The following DCC variants were observed in gnomAD, a reference collection of about 807,000 sequenced individuals.
The protein encoded by DCC is netrin receptor DCC.
Under a neutral mutation model 172.5 loss-of-function variants are expected in DCC, and 58 were observed. That is an observed-to-expected ratio of 0.34 (90% CI 0.27 to 0.42). The LOEUF (loss-of-function observed/expected upper bound fraction) is 0.42. Among genes scored for constraint, DCC ranks in the 10% least tolerant of loss-of-function variants. DCC has a pLI of 1.00. For missense variants in DCC, 1,740 were observed against 1,791.0 expected (o/e 0.97, Z 0.51); for synonymous variants, 709 against 644.5 (o/e 1.10, Z -1.52).
chr18:53,458,988 GGAGCTCTCTGCCAGGAA>G (rs1211168720), intron 23 of DCC, among the ~76,000 whole-genome samples: 1 of 152,130 alleles, frequency 6.6e-6, no homozygotes, highest in Non-Finnish European at 1.5e-5. Context: ...GCTGGAGAAA[GGAGCTCTCTGCCAGGAA>G]GCCGAGGCCC....
intron 5 of DCC, among the ~76,000 whole-genome samples, chr18:53,007,311 G>T (rs1428804878): frequency 6.6e-6 from 1 of 152,108 alleles, no homozygotes; most frequent in Non-Finnish European, 1.5e-5. Flanking sequence ...GGTAGGTTTA[G>T]ACGTGAATGT....
rs911229201 is a variant in DCC, at chr18:53,359,624, T to G, written c.2359+19717T>G. ...AAAAATGTGAATAATTATTGTTAAA[T>G]GCCTCTTCCCCTCTTCACAATGTCT... On this transcript the variant is annotated intron_variant, in intron 15 of 28. Transcript: ENST00000442544. Among the ~76,000 whole-genome samples, 15 of 152,284 alleles carry G rather than the reference T, an allele frequency of 9.9e-5. 1 individual carries two copies. In the South Asian group the frequency reaches 3.1e-3, roughly 32 times the overall value.
chr18:53,171,143 C>T (rs1188251339), intron 8 of DCC, among the ~76,000 whole-genome samples: 1 of 152,128 alleles, frequency 6.6e-6, no homozygotes, highest in African/African-American at 2.4e-5. Flanking sequence ...CCTCGGCCTC[C>T]CAAAGTGCTG....
intron 20 of DCC, among the ~76,000 whole-genome samples, chr18:53,412,393 T>C (rs1337550068): frequency 1.3e-5 from 2 of 152,172 alleles, no homozygotes; most frequent in Non-Finnish European, 2.9e-5. Context: ...GTATACATCT[T>C]ACAAGACACC....
chr18:53,215,718 T>C, intron 12 of DCC, 121 bp downstream of exon 12: 1 of 820,852 alleles, frequency 1.2e-6, no homozygotes, highest in South Asian at 1.4e-5. Flanking sequence ...AGAAATGTTC[T>C]GGAACAACAC....
At chr18:53,212,381 G>A (rs1398270321) in intron 11 of DCC, among the ~76,000 whole-genome samples, 4 of 152,060 alleles carry the variant, frequency 2.6e-5, no homozygotes, top group African/African-American at 7.2e-5. Flanking sequence ...AAGAACAATC[G>A]ATATGGATTC....
intron 2 of DCC, among the ~76,000 whole-genome samples, chr18:52,772,618 A>G (rs2037362777): frequency 6.6e-6 from 1 of 152,232 alleles, no homozygotes; most frequent in South Asian, 2.1e-4. Context: ...TTCTCCTTAA[A>G]GAAATAATAA....
chr18:53,228,191 C>G (rs1321558592), intron 12 of DCC, among the ~76,000 whole-genome samples: 1 of 151,450 alleles, frequency 6.6e-6, no homozygotes, highest in Non-Finnish European at 1.5e-5. Context: ...CTTTTCAATG[C>G]CAATACAGAT....
At chr18:53,456,381 T>A (rs1465548846) in intron 23 of DCC, among the ~76,000 whole-genome samples, 2 of 152,162 alleles carry the variant, frequency 1.3e-5, no homozygotes, top group Non-Finnish European at 2.9e-5. Flanking sequence ...TTATCAAGAA[T>A]ACCTGGGGTA....
intron 1 of DCC, among the ~76,000 whole-genome samples, chr18:52,524,561 CT>C (rs2031922063): frequency 6.6e-6 from 1 of 152,172 alleles, no homozygotes. Context: ...ATCACTATTA[CT>C]AATTTGTAGA....
chr18:52,440,348 C>A (rs1340176140), intron 1 of DCC, among the ~76,000 whole-genome samples: 2 of 152,182 alleles, frequency 1.3e-5, no homozygotes, highest in African/African-American at 2.4e-5. Context: ...CTTGGCAAGA[C>A]TCTCTTGAGT....
intron 27 of DCC, among the ~76,000 whole-genome samples, chr18:53,514,571 AAGAG>A (rs1036395905): frequency 1.5e-4 from 23 of 152,272 alleles, no homozygotes; most frequent in Admixed American, 4.6e-4. Context: ...TAAAGAAAAA[AAGAG>A]AGAAGAATCA....
At chr18:53,161,070 T>C (rs1012741855) in intron 8 of DCC, among the ~76,000 whole-genome samples, 3 of 152,234 alleles carry the variant, frequency 2.0e-5, no homozygotes, top group Admixed American at 1.3e-4. Context: ...GAATCTTCCA[T>C]TGCAACAAAT....
At chr18:52,765,023 C>CTTTTTTT (rs963400763) in intron 2 of DCC, among the ~76,000 whole-genome samples, 3 of 142,366 alleles carry the variant, frequency 2.1e-5, no homozygotes, top group East Asian at 4.0e-4. Flanking sequence ...ATTTTCTTTT[C>CTTTTTTT]TTTTTTTTCT....
At chr18:52,344,295 T>A (rs937786104) in intron 1 of DCC, among the ~76,000 whole-genome samples, 2 of 152,218 alleles carry the variant, frequency 1.3e-5, no homozygotes, top group African/African-American at 4.8e-5. Context: ...GGCTGTAGTA[T>A]GGTTTCCTAA....
intron 8 of DCC, among the ~76,000 whole-genome samples, chr18:53,160,990 T>G (rs2144408425): frequency 6.6e-6 from 1 of 152,320 alleles, no homozygotes; most frequent in Non-Finnish European, 1.5e-5. Flanking sequence ...CAGCCATTCT[T>G]TCTCTCTTCT....
At chr18:52,792,970 A>C (rs540700575) in intron 2 of DCC, among the ~76,000 whole-genome samples, 1 of 152,176 alleles carries the variant, frequency 6.6e-6, no homozygotes, top group Non-Finnish European at 1.5e-5. Flanking sequence ...CAGGACACAG[A>C]CACATGTGGG....
intron 1 of DCC, among the ~76,000 whole-genome samples, chr18:52,731,890 G>C (rs890520437): frequency 6.6e-6 from 1 of 152,128 alleles, no homozygotes; most frequent in African/African-American, 2.4e-5. Context: ...AATGAGCACT[G>C]TTTTTGTATA....
chr18:53,222,383 C>CTTTTTTTTTTTTTTTTTTTTTTTTTTTTT, intron 12 of DCC, among the ~76,000 whole-genome samples: 1 of 104,216 alleles, frequency 9.6e-6, no homozygotes, highest in Non-Finnish European at 1.8e-5. Flanking sequence ...TTTCTTTTTT[C>CTTTTTTTTTTTTTTTTTTTTTTTTTTTTT]TTTTTTTTTT....
Sources: gnomAD v4.1 joint callset for allele counts (sites outside exome capture counted in the v4.1 genomes callset) on GRCh38, gnomAD v4.1.1 for gene constraint, MANE v1.5 for transcripts, NCBI Gene and HGNC (gene_info 2026-07-23, HGNC 2026-07-21) for gene names.